Variants in CA10 observed in about 807,000 individuals in gnomAD.
The protein encoded by CA10 is carbonic anhydrase-related protein 10.
In CA10, 14 loss-of-function variants were observed where a neutral mutation model predicts 44.2. That is an observed-to-expected ratio of 0.32 (90% CI 0.21 to 0.50). The LOEUF (loss-of-function observed/expected upper bound fraction) is 0.50. Among genes scored for constraint, CA10 ranks in the 20% least tolerant of loss-of-function variants. The pLI, the probability that CA10 is intolerant of heterozygous loss-of-function variation, is 0.99. For synonymous variants in CA10, 159 were observed against 141.6 expected (o/e 1.12, Z -0.87); for missense variants, 350 against 409.7 (o/e 0.85, Z 1.26).
intron 3 of CA10, among the ~76,000 whole-genome samples, chr17:51,783,449 C>T (rs1276841471): frequency 6.6e-6 from 1 of 152,200 alleles, no homozygotes; most frequent in African/African-American, 2.4e-5. Context: ...CTACATTATA[C>T]ACATAAAGAA....
intron 3 of CA10, among the ~76,000 whole-genome samples, chr17:51,771,847 C>A (rs1214271206): frequency 1.3e-5 from 2 of 152,138 alleles, no homozygotes; most frequent in Non-Finnish European, 1.5e-5. Context: ...GGCTCTTTAC[C>A]ATTTTACAGA....
intron 1 of CA10, 29 bp downstream of exon 1, chr17:52,157,697 T>C (rs1598245809): frequency 4.4e-6 from 7 of 1,607,556 alleles, no homozygotes; most frequent in Non-Finnish European, 6.0e-6. Context: ...ATAATCCAAA[T>C]CAGCCAGTGA....
At chr17:51,636,123 C>T (rs1052671501) in intron 6 of CA10, 114 bp from the exon 7 acceptor site, 10 of 537,172 alleles carry the variant, frequency 1.9e-5, no homozygotes, top group Non-Finnish European at 2.8e-5. Flanking sequence ...TATATACACA[C>T]ACAGATATAT....
chr17:51,680,057 T>C (rs917376030), intron 4 of CA10, among the ~76,000 whole-genome samples: 1 of 152,316 alleles, frequency 6.6e-6, no homozygotes, highest in South Asian at 2.1e-4. Flanking sequence ...TGAGACCATA[T>C]GGCCCACGAA....
intron 1 of CA10, among the ~76,000 whole-genome samples, chr17:52,080,701 C>T (rs924123574): frequency 6.6e-6 from 1 of 152,032 alleles, no homozygotes; most frequent in Admixed American, 6.6e-5. Flanking sequence ...TTATTACTCT[C>T]TCCACACCTT....
intron 2 of CA10, among the ~76,000 whole-genome samples, chr17:51,942,027 C>T (rs755666235): frequency 1.3e-5 from 2 of 152,044 alleles, no homozygotes; most frequent in Non-Finnish European, 2.9e-5. Flanking sequence ...GAATTGCAAA[C>T]CCTACCACAT....
intron 4 of CA10, among the ~76,000 whole-genome samples, chr17:51,732,937 C>G (rs772602672): frequency 2.0e-5 from 3 of 152,284 alleles, no homozygotes; most frequent in Non-Finnish European, 2.9e-5. Context: ...GAGTCCCTGG[C>G]TTATAACCTT....
chr17:51,871,639 C>T, intron 3 of CA10, among the ~76,000 whole-genome samples: 1 of 152,036 alleles, frequency 6.6e-6, no homozygotes, highest in Non-Finnish European at 1.5e-5. Flanking sequence ...CCTGCCTCAG[C>T]CTCCCAAAGT....
intron 3 of CA10, among the ~76,000 whole-genome samples, chr17:51,863,688 T>C (rs925981970): frequency 6.6e-6 from 1 of 152,144 alleles, no homozygotes; most frequent in African/African-American, 2.4e-5. Flanking sequence ...GGTAATTCAA[T>C]AGAACTCCTC....
chr17:52,031,800 G>C (rs1986474852), intron 2 of CA10, among the ~76,000 whole-genome samples: 1 of 151,948 alleles, frequency 6.6e-6, no homozygotes, highest in Non-Finnish European at 1.5e-5. Context: ...GCAATAAGTT[G>C]CTCAATCGAT....
intron 3 of CA10, among the ~76,000 whole-genome samples, chr17:51,863,265 C>T (rs1187982839): frequency 6.6e-6 from 1 of 152,156 alleles, no homozygotes; most frequent in African/African-American, 2.4e-5. Context: ...GAAGTTATTC[C>T]ATACGCTGCT....
chr17:51,905,816 A>T (rs145024454), intron 3 of CA10, among the ~76,000 whole-genome samples: 2 of 152,068 alleles, frequency 1.3e-5, no homozygotes, highest in Non-Finnish European at 2.9e-5. Context: ...CCAAATTTCC[A>T]ATTCCCGCTC....
intron 3 of CA10, among the ~76,000 whole-genome samples, chr17:51,889,789 A>G (rs1353280806): frequency 6.6e-6 from 1 of 152,218 alleles, no homozygotes; most frequent in Non-Finnish European, 1.5e-5. Flanking sequence ...ACCTGCATGT[A>G]TGAAAACAAG....
intron 2 of CA10, among the ~76,000 whole-genome samples, chr17:51,955,079 A>C (rs1983616798): frequency 6.6e-6 from 1 of 152,154 alleles, no homozygotes; most frequent in African/African-American, 2.4e-5. Context: ...GGAGTATTTG[A>C]TGGCCTTCAT....
At chr17:51,994,468 C>A (rs1985157111) in intron 2 of CA10, among the ~76,000 whole-genome samples, 1 of 151,966 alleles carries the variant, frequency 6.6e-6, no homozygotes, top group African/African-American at 2.4e-5. Context: ...ACACATCCGA[C>A]TGAAGGTTTG....
intron 3 of CA10, among the ~76,000 whole-genome samples, chr17:51,819,655 C>T (rs1204978501): frequency 6.6e-6 from 1 of 152,180 alleles, no homozygotes; most frequent in Non-Finnish European, 1.5e-5. Context: ...AAGTAACTTT[C>T]CAGCAGTTTC....
intron 4 of CA10, among the ~76,000 whole-genome samples, chr17:51,679,453 G>A (rs747541351): frequency 2.6e-5 from 4 of 151,788 alleles, no homozygotes; most frequent in African/African-American, 7.3e-5. Flanking sequence ...AGTAGAGATG[G>A]GGTTTCACCG....
chr17:51,937,301 T>C (rs1982904371), intron 2 of CA10, among the ~76,000 whole-genome samples: 1 of 152,196 alleles, frequency 6.6e-6, no homozygotes, highest in African/African-American at 2.4e-5. Context: ...TGTCTCTTCC[T>C]CTCTTCTCAA....
chr17:52,006,185 G>A (rs1022823144), intron 2 of CA10, among the ~76,000 whole-genome samples: 2 of 151,750 alleles, frequency 1.3e-5, no homozygotes, highest in African/African-American at 4.8e-5. Context: ...GACTGCTCCA[G>A]TATTACACTA....
Sources: gnomAD v4.1 joint callset for allele counts (sites outside exome capture counted in the v4.1 genomes callset) on GRCh38, gnomAD v4.1.1 for gene constraint, MANE v1.5 for transcripts, NCBI Gene and HGNC (gene_info 2026-07-23, HGNC 2026-07-21) for gene names.